Variants in GOLM2 observed in about 807,000 individuals in gnomAD.
GOLM2 encodes golgi membrane protein 2.
A neutral mutation model predicts 55.9 loss-of-function variants in GOLM2; 26 were observed. The ratio of observed to expected loss-of-function variants is 0.47; its 90% CI spans 0.34 to 0.65. The LOEUF is 0.65. Ranked by LOEUF, GOLM2 falls within the 30% of genes least tolerant of loss-of-function variation. GOLM2 has a pLI of 0.01. For synonymous variants in GOLM2, 165 were observed against 194.6 expected (o/e 0.85, Z 1.27); for missense variants, 486 against 531.8 (o/e 0.91, Z 0.85).
chr15:44,412,016 T>C (rs998616654), intron 9 of GOLM2, among the ~76,000 whole-genome samples: 21 of 152,122 alleles, frequency 1.4e-4, no homozygotes, highest in African/African-American at 4.8e-4. Flanking sequence ...AAATACAAAA[T>C]GTAGCCTGGT....
At chr15:44,383,430 A>G (rs2079418286) in intron 8 of GOLM2, among the ~76,000 whole-genome samples, 1 of 152,104 alleles carries the variant, frequency 6.6e-6, no homozygotes, top group East Asian at 1.9e-4. Context: ...GAGTTATTTA[A>G]GTTTAGGGGT....
chr15:44,405,880 C>A (rs1265215096), intron 9 of GOLM2, among the ~76,000 whole-genome samples: 3 of 152,100 alleles, frequency 2.0e-5, no homozygotes, highest in Non-Finnish European at 4.4e-5. Flanking sequence ...CCTCAGCCTC[C>A]CAAAGTGCTG....
intron 6 of GOLM2, among the ~76,000 whole-genome samples, chr15:44,359,007 A>C (rs1008042399): frequency 6.6e-6 from 1 of 151,700 alleles, no homozygotes; most frequent in African/African-American, 2.4e-5. Context: ...ATACAAAAAA[A>C]TTAGCTGGGC....
intron 2 of GOLM2, among the ~76,000 whole-genome samples, chr15:44,327,128 T>G (rs1229849000): frequency 6.6e-6 from 1 of 151,398 alleles, no homozygotes; most frequent in Non-Finnish European, 1.5e-5. Flanking sequence ...TTTTTGTATT[T>G]TTAGTAGAGA....
intron 1 of GOLM2, among the ~76,000 whole-genome samples, chr15:44,305,118 A>G (rs2078827488): frequency 6.6e-6 from 1 of 151,988 alleles, no homozygotes; most frequent in African/African-American, 2.4e-5. Flanking sequence ...CTCCTATCTC[A>G]GCCTTCCGAG....
intron 8 of GOLM2, among the ~76,000 whole-genome samples, chr15:44,394,593 A>T (rs2141206220): frequency 6.6e-6 from 1 of 152,304 alleles, no homozygotes; most frequent in South Asian, 2.1e-4. Flanking sequence ...TTTTGCCCTA[A>T]TATGTTCCTG....
intron 6 of GOLM2, among the ~76,000 whole-genome samples, chr15:44,359,457 A>G (rs1015409341): frequency 6.6e-6 from 1 of 151,280 alleles, no homozygotes; most frequent in Non-Finnish European, 1.5e-5. Context: ...GCATGGTGGC[A>G]GGCACCTGTA....
intron 6 of GOLM2, among the ~76,000 whole-genome samples, chr15:44,373,193 C>T (rs1413020294): frequency 6.6e-6 from 1 of 152,314 alleles, no homozygotes; most frequent in East Asian, 1.9e-4. Flanking sequence ...CACGGTGGCT[C>T]ACGCCTGTAA....
At chr15:44,370,396 G>T (rs2079322044) in intron 6 of GOLM2, among the ~76,000 whole-genome samples, 1 of 152,128 alleles carries the variant, frequency 6.6e-6, no homozygotes, top group Admixed American at 6.5e-5. Flanking sequence ...GCCTAAAAAT[G>T]ATAATAATCA....
At chr15:44,330,118 G>A (rs1480860578) in intron 3 of GOLM2, among the ~76,000 whole-genome samples, 2 of 147,012 alleles carry the variant, frequency 1.4e-5, no homozygotes, top group Admixed American at 1.4e-4. Context: ...CACCGTATTA[G>A]CCAGGATGGT....
intron 8 of GOLM2, among the ~76,000 whole-genome samples, chr15:44,391,361 C>CA (rs1466302262): frequency 1.3e-5 from 2 of 151,548 alleles, no homozygotes; most frequent in Admixed American, 6.6e-5. Flanking sequence ...AAAAAAAATA[C>CA]AAAAAATTAG....
At chr15:44,367,779 G>A (rs956383086) in intron 6 of GOLM2, among the ~76,000 whole-genome samples, 1 of 147,864 alleles carries the variant, frequency 6.8e-6, no homozygotes, top group African/African-American at 2.5e-5. Flanking sequence ...TGGCGACGGA[G>A]ACTCTGTCTC....
At position 44,367,212 on chromosome 15, in the gene GOLM2, T is replaced by C. The variant is rs572980339; in HGVS notation, c.803-12478T>C. ...GCCTGAAACACTTACTGTCTGGCCCTTTTTTTTTTTTTTTTTCTGTCTGGC... is the reference window on the plus strand; with the variant it reads ...GCCTGAAACACTTACTGTCTGGCCCCTTTTTTTTTTTTTTTTCTGTCTGGC... On this transcript the variant is annotated intron_variant, in intron 6 of 9. Coordinates refer to ENST00000299957, the MANE Select transcript of GOLM2 (RefSeq NM_138423.4). Among the ~76,000 whole-genome samples, 11 of 138,162 alleles carry C rather than the reference T, an allele frequency of 8.0e-5. No individual in the cohort carries two copies. The East Asian group carries it at 1.9e-3, about 23-fold the overall frequency. The allele number at this position is 138,162 out of a possible 152,430, so 90.6% of individuals were successfully genotyped here.
At chr15:44,352,326 A>C (rs2079169913) in intron 6 of GOLM2, among the ~76,000 whole-genome samples, 1 of 152,216 alleles carries the variant, frequency 6.6e-6, no homozygotes, top group South Asian at 2.1e-4. Context: ...GGGAAAGGAC[A>C]GTCTCTTCAT....
intron 4 of GOLM2, among the ~76,000 whole-genome samples, chr15:44,334,501 GCTGC>G (rs2079043594): frequency 6.6e-6 from 1 of 152,166 alleles, no homozygotes; most frequent in Non-Finnish European, 1.5e-5. Context: ...AATTCAGCTT[GCTGC>G]CTGCTTTCGT....
rs1444950307 is a variant in GOLM2 at position 44,289,831 on chromosome 15, CTT to C, written c.327+478_327+479del. The stretch of plus-strand genomic sequence containing the variant: ...ATCATATATTTTTTAAGCTGTGTGA[CTT>C]TTAAAATCTCTATAGGGTGATGTAT... On this transcript the variant is annotated intron_variant, in intron 1 of 9. Transcript: ENST00000299957. This position sits in a 1 kb window ranked among gnomAD's most constrained non-coding sequence, Gnocchi z 4.8. Among the ~76,000 whole-genome samples, 4 of 152,216 alleles carry C rather than the reference CTT, an allele frequency of 2.6e-5. No individual in the cohort carries two copies. The highest frequency in any genetic ancestry group is 9.6e-5 in the African/African-American group (4 of 41,458).
intron 3 of GOLM2, 47 bp downstream of exon 3, chr15:44,328,834 C>A: frequency 7.8e-7 from 1 of 1,280,680 alleles, no homozygotes; most frequent in Non-Finnish European, 1.1e-6. Flanking sequence ...AAATATTTGT[C>A]CAGCTTTTGG....
chr15:44,344,115 C>A (rs1354673318), intron 6 of GOLM2, among the ~76,000 whole-genome samples: 1 of 151,562 alleles, frequency 6.6e-6, no homozygotes, highest in African/African-American at 2.4e-5. Flanking sequence ...GAAAAATTAG[C>A]CAGTCATGGT....
At chr15:44,363,658 A>G (rs1277566352) in intron 6 of GOLM2, among the ~76,000 whole-genome samples, 2 of 152,166 alleles carry the variant, frequency 1.3e-5, no homozygotes, top group Non-Finnish European at 2.9e-5. Context: ...ATCTAGAACT[A>G]GAAATACCAT....
Sources: gnomAD v4.1 joint callset for allele counts (sites outside exome capture counted in the v4.1 genomes callset) on GRCh38, gnomAD v4.1.1 for gene constraint, Gnocchi (gnomAD v3.1) non-coding constraint, MANE v1.5 for transcripts, NCBI Gene and HGNC (gene_info 2026-07-23, HGNC 2026-07-21) for gene names.